Variants in ZFHX3 observed in about 807,000 individuals in gnomAD.
ZFHX3 encodes zinc finger homeobox 3, also known as zinc finger homeobox protein 3.
A neutral mutation model predicts 279.1 loss-of-function variants in ZFHX3; 42 were observed. The observed-to-expected ratio is 0.15, with a 90% confidence interval of 0.12 to 0.19. The LOEUF is 0.19. Ranked by LOEUF, ZFHX3 falls within the 10% of genes least tolerant of loss-of-function variation. ZFHX3 has a pLI of 1.00. For synonymous variants in ZFHX3, 2,293 were observed against 1,957.8 expected, an observed-to-expected ratio of 1.17 and a Z score of -4.52; for missense variants, 4,981 against 4,754.0, an observed-to-expected ratio of 1.05 and a Z score of -1.40.
intron 1 of ZFHX3, among the ~76,000 whole-genome samples, chr16:73,779,013 T>C (rs929333149): frequency 6.6e-6 from 1 of 152,216 alleles, no homozygotes; most frequent in African/African-American, 2.4e-5. Context: ...TCATCTGCTC[T>C]AGAATAAGCC....
chr16:73,673,940 C>T (rs183526863), intron 2 of ZFHX3, among the ~76,000 whole-genome samples: 73 of 152,222 alleles, frequency 4.8e-4, no homozygotes, highest in African/African-American at 1.7e-3. Flanking sequence ...GAGAGCAAAC[C>T]CCTAAGTCAG....
intron 1 of ZFHX3, among the ~76,000 whole-genome samples, chr16:73,787,855 A>AG (rs1959699327): frequency 1.9e-4 from 21 of 110,784 alleles, no homozygotes; most frequent in African/African-American, 6.4e-4. Flanking sequence ...GTGTGTGTGA[A>AG]AGAGAGAGAG....
intron 1 of ZFHX3, among the ~76,000 whole-genome samples, chr16:73,013,900 G>T (rs1433470333): frequency 6.6e-6 from 1 of 152,050 alleles, no homozygotes; most frequent in African/African-American, 2.4e-5. Flanking sequence ...CCCCGAAGAC[G>T]CCCACATCCT....
At chr16:73,350,286 A>G (rs1031324917) in intron 3 of ZFHX3, among the ~76,000 whole-genome samples, 1 of 152,190 alleles carries the variant, frequency 6.6e-6, no homozygotes, top group African/African-American at 2.4e-5. Flanking sequence ...TAGCCTCATT[A>G]GAAAATGCGG....
chr16:73,000,726 G>A (rs538591773), intron 1 of ZFHX3, among the ~76,000 whole-genome samples: 1 of 152,276 alleles, frequency 6.6e-6, no homozygotes, highest in South Asian at 2.1e-4. Flanking sequence ...ACACCCAGCA[G>A]ACACTCCAAA....
At chr16:73,056,068 GAC>G (rs745925557) in intron 1 of ZFHX3, among the ~76,000 whole-genome samples, 2 of 152,184 alleles carry the variant, frequency 1.3e-5, no homozygotes, top group Admixed American at 1.3e-4. Context: ...GGGGAAGGGA[GAC>G]ACACAGACAG....
rs563193016 is a variant in ZFHX3 at position 73,667,094 on chromosome 16, C to T, written c.-1547+13086G>A. Among the ~76,000 whole-genome samples, 68 of 150,316 alleles carry T rather than the reference C, an allele frequency of 4.5e-4. 4 individuals are homozygous for T. Among genetic ancestry groups the T allele is most frequent in the African/African-American group, 1.4e-3 (55 of 39,762 alleles). On this transcript the variant is annotated intron_variant, in intron 2 of 17. Transcript: ENST00000641206. ...ACAACCTCCACCTCTCGGGTTCAAG[C>T]GATTCTCCTGCCTCAGCCTCCCAAG...
chr16:73,306,075 C>T (rs2015173585), intron 4 of ZFHX3, among the ~76,000 whole-genome samples: 1 of 152,172 alleles, frequency 6.6e-6, no homozygotes, highest in Admixed American at 6.5e-5. Context: ...ACCTGTGGAC[C>T]ACACATTAAG....
chr16:73,213,873 G>T lies in ZFHX3; in HGVS notation c.-1104+43174C>A, dbSNP rs1028030799. On this transcript the variant is annotated intron_variant, in intron 5 of 17. Transcript: ENST00000641206. ...CTGTCCTCTCAGTTTTCAGAAGATG[G>T]CTCTCCTATTCCTTCCATAAGCTGC... is the stretch of plus-strand genomic sequence containing the variant. 3.1e-4 allele frequency among the ~76,000 whole-genome samples: 47 copies of T among 152,106 alleles called. 1 individual carries two copies. Among genetic ancestry groups the T allele is most frequent in the Admixed American group, 1.3e-4 (2 of 15,276 alleles).
chr16:73,323,371 G>A (rs1452919917), intron 3 of ZFHX3, among the ~76,000 whole-genome samples: 1 of 152,182 alleles, frequency 6.6e-6, no homozygotes, highest in Non-Finnish European at 1.5e-5. Context: ...TGATAAGTGG[G>A]AGGAAAACCA....
intron 2 of ZFHX3, among the ~76,000 whole-genome samples, chr16:73,589,259 CAAAAAAAAAAAA>C (rs34481194): frequency 4.5e-4 from 14 of 30,956 alleles, no homozygotes; most frequent in East Asian, 2.5e-3. Context: ...GATTCTGTCT[CAAAAAAAAAAAA>C]AAAAAAAAAA....
At chr16:73,744,252 C>T (rs562957950) in intron 1 of ZFHX3, among the ~76,000 whole-genome samples, 1 of 152,272 alleles carries the variant, frequency 6.6e-6, no homozygotes, top group Admixed American at 6.5e-5. Flanking sequence ...TTGCCAGTAG[C>T]CTTTGGATAT....
intron 5 of ZFHX3, among the ~76,000 whole-genome samples, chr16:73,237,824 GC>G (rs1390275574): frequency 2.0e-5 from 3 of 146,872 alleles, no homozygotes; most frequent in African/African-American, 8.2e-5. Context: ...ATTTCCACTG[GC>G]AAAGGCAGAA....
intron 3 of ZFHX3, among the ~76,000 whole-genome samples, chr16:73,427,263 T>C (rs1328545783): frequency 3.3e-5 from 5 of 152,148 alleles, no homozygotes; most frequent in Non-Finnish European, 7.4e-5. Flanking sequence ...TACCTATCAT[T>C]TGTGAGTGGT....
chr16:73,228,537 C>T (rs79907728), intron 5 of ZFHX3, among the ~76,000 whole-genome samples: 11,174 of 152,120 alleles, frequency 0.073, 878 homozygotes, highest in East Asian at 0.45. Context: ...GTGACATGTG[C>T]CTGTATTCCC....
intron 2 of ZFHX3, among the ~76,000 whole-genome samples, chr16:73,481,777 G>C (rs1000139688): frequency 6.6e-6 from 1 of 152,136 alleles, no homozygotes; most frequent in Non-Finnish European, 1.5e-5. Flanking sequence ...ACAGGCATGA[G>C]TCAATGTGCC....
chr16:73,077,314 C>G (rs752943310), intron 8 of ZFHX3, among the ~76,000 whole-genome samples: 38 of 152,048 alleles, frequency 2.5e-4, no homozygotes, highest in African/African-American at 8.7e-4. Context: ...GATATAAGTT[C>G]CCAACACTGC....
At chr16:73,320,348 T>G (rs917878956) in intron 3 of ZFHX3, among the ~76,000 whole-genome samples, 3 of 152,204 alleles carry the variant, frequency 2.0e-5, no homozygotes, top group African/African-American at 7.2e-5. Context: ...GCTGTGGCTA[T>G]AACCAATAGC....
intron 7 of ZFHX3, among the ~76,000 whole-genome samples, chr16:73,116,105 A>C (rs1327656709): frequency 6.7e-6 from 1 of 148,290 alleles, no homozygotes; most frequent in South Asian, 2.1e-4. Flanking sequence ...GGGCAACAAG[A>C]GCGAAACTCT....
Sources: allele counts gnomAD v4.1 joint callset (sites outside exome capture counted in the v4.1 genomes callset), GRCh38; gene constraint gnomAD v4.1.1; transcripts MANE v1.5; gene names NCBI Gene and HGNC (gene_info 2026-07-23, HGNC 2026-07-21).